Variants in NUTM1 observed in about 807,000 individuals in gnomAD.
The protein encoded by NUTM1 is NUT family member 1.
NUTM1 carries 39 observed loss-of-function variants against 88.7 expected under a neutral mutation model. That is an observed-to-expected ratio of 0.44 (90% confidence interval 0.34 to 0.57). NUTM1 has a LOEUF of 0.57. NUTM1 is among the 20% of genes least tolerant of loss of function. The pLI, the probability that NUTM1 is intolerant of heterozygous loss-of-function variation, is 0.01. For synonymous variants in NUTM1, 494 were observed against 538.0 expected, an observed-to-expected ratio of 0.92 and a Z score of 1.13; for missense variants, 1,350 against 1,414.5, an observed-to-expected ratio of 0.95 and a Z score of 0.73.
rs149213227 is a variant in NUTM1 at position 34,348,518 on chromosome 15, G to C, written c.650G>C (p.Gly217Ala). 1 of 1,614,068 alleles carries C rather than the reference G, an allele frequency of 6.2e-7. No individual in the cohort carries two copies. The highest frequency in any genetic ancestry group is 1.3e-5 in the African/African-American group (1 of 74,948). ...GGGCCACATGGGACAACCGGGGAAG[G>C]AGGTCCTGTGGCCACTCTATCCAAG... ...WPGPHGTTGE[G>A]GPVATLSKPS... Residue 217 changes from glycine (G) to alanine (A), a missense_variant, in exon 3 of 8, where the codon GGA becomes GCA. Around this residue, in one of 5 missense-constraint regions of NUTM1, gnomAD observed 399 missense variants for 397.9 expected, o/e 1.00. Coordinates refer to ENST00000537011, the MANE Select transcript of NUTM1 (RefSeq NM_001284292.2).
At position 34,348,221 on chromosome 15, in the gene NUTM1, T is replaced by C; in HGVS notation, c.353T>C (p.Val118Ala). ...GGGGCTGGGGCTGGCAAGGTCATTG[T>C]CAAAGTCAAGACAGAAGGGGGGTCA... ...LSGAGAGKVI[V>A]KVKTEGGSAE... The change falls in exon 3 of 8, where the codon GTC becomes GCC. Residue 118 changes from valine to alanine, a missense_variant. Val to Ala is a moderately conservative substitution (Grantham distance 64). Coordinates refer to ENST00000537011, the MANE Select transcript of NUTM1 (RefSeq NM_001284292.2). 6.2e-7 allele frequency: 1 copy of C among 1,614,212 alleles called. No homozygotes were observed. The highest frequency in any genetic ancestry group is 8.5e-7 in the Non-Finnish European group (1 of 1,180,034).
In NUTM1 at chr15:34,354,643, C is replaced by G. The variant is rs1204612087; in HGVS notation, c.1273C>G (p.Gln425Glu). The change falls in exon 6 of 8, where the codon CAG becomes GAG. Residue 425 changes from glutamine (Q) to glutamate (E), a missense_variant. Around this residue, in one of 5 missense-constraint regions of NUTM1, gnomAD observed 126 missense variants for 189.8 expected, o/e 0.66. Coordinates refer to ENST00000537011, the MANE Select transcript of NUTM1 (RefSeq NM_001284292.2). ...ESDGKQEEEG[Q>E]QQEEEGMYPD... ...AGATGGAAAACAAGAGGAAGAAGGG[C>G]AGCAGCAGGAGGAGGAAGGGATGTA... 1.2e-6 allele frequency: 2 copies of G among 1,613,944 alleles called. No homozygotes were observed. The highest frequency in any genetic ancestry group is 2.7e-5 in the African/African-American group (2 of 74,908).
In NUTM1 at chr15:34,355,601, T is replaced by C. The variant is rs750818723; in HGVS notation, c.1593T>C (p.Asp531=). Residue 531 remains aspartate (D), a synonymous_variant, in exon 8 of 8, where the codon GAT becomes GAC. Transcript: ENST00000537011. This position sits in a 1 kb window ranked among gnomAD's most constrained non-coding sequence, Gnocchi z 4.3. ...SSPSGSVEDE[D]GDGRLRPSPG... is the part of the protein sequence containing the mutation. ...CTTCTGGTTCTGTTGAGGATGAAGA[T>C]GGGGATGGGCGGCTTCGGCCCTCAC... The C allele has an allele frequency of 1.7e-5, 28 of 1,613,860 alleles. No individual in the cohort carries two copies. Among genetic ancestry groups the C allele is most frequent in the Non-Finnish European group, 2.3e-5 (27 of 1,179,956 alleles).
chr15:34,345,069 G>A (rs1472174944), intron 1 of NUTM1, among the ~76,000 whole-genome samples: 2 of 152,088 alleles, frequency 1.3e-5, no homozygotes, highest in Non-Finnish European at 2.9e-5. Context: ...GGAAAATGAT[G>A]ATTTTAGCCT....
At chr15:34,345,774 T>G (rs1890573956) in intron 1 of NUTM1, 168 bp from the exon 2 acceptor site, 1 of 925,172 alleles carries the variant, frequency 1.1e-6, no homozygotes, top group Non-Finnish European at 1.5e-6. Context: ...GAATTCCTGG[T>G]TTTTTCATAC....
chr15:34,356,063 A>C lies in NUTM1; in HGVS notation c.2055A>C (p.Gly685=). The C allele has an allele frequency of 6.2e-7, 1 of 1,614,068 alleles. No homozygotes were observed. Among genetic ancestry groups the C allele is most frequent in the South Asian group, 1.1e-5 (1 of 91,082 alleles). ...AAGGGTTAGAAAAGCAAGTCCTGGG[A>C]TTGCAGAAAGGACAACAAACAGGGG... is the stretch of plus-strand genomic sequence containing the variant. ...QGQGLEKQVL[G]LQKGQQTGGR... is the part of the protein sequence containing the mutation. The change falls in exon 8 of 8, where the codon GGA becomes GGC. Residue 685 remains glycine (G), a synonymous_variant. Transcript: ENST00000537011.
intron 3 of NUTM1, among the ~76,000 whole-genome samples, chr15:34,350,236 G>T (rs1474264613): frequency 6.6e-6 from 1 of 152,134 alleles, no homozygotes; most frequent in Non-Finnish European, 1.5e-5. Flanking sequence ...TGGAAACAAA[G>T]ACTGAAAAAC....
At position 34,355,204 on chromosome 15, in the gene NUTM1, C is replaced by T. The variant is rs1000789598; in HGVS notation, c.1479+67C>T. The T allele has an allele frequency of 5.9e-5, 63 of 1,074,108 alleles. No individual in the cohort carries two copies. Among genetic ancestry groups the T allele is most frequent in the South Asian group, 3.8e-5 (3 of 77,936 alleles). The allele number at this position is 1,074,108 out of a possible 1,614,324, so 66.5% of individuals were successfully genotyped here. A position where few individuals can be genotyped will look rare whatever the true frequency, so the allele number is the denominator to read the frequency against. On this transcript the variant is annotated intron_variant, in intron 7 of 7. Transcript: ENST00000537011. The surrounding 1 kb of genome is among the most constrained non-coding windows in gnomAD (Gnocchi z 4.3). ...AAGATTTTATCTAACCCTACACTGT[C>T]GTGGGTGATATGGCTCTAGAGATGA...
chr15:34,357,493 G>T lies in NUTM1; in HGVS notation c.*2G>T. On this transcript the variant is annotated 3_prime_UTR_variant, in exon 8 of 8. Coordinates refer to ENST00000537011, the MANE Select transcript of NUTM1 (RefSeq NM_001284292.2). ...AAGAAACGACGTCGTAGCCAGTAGGGAGCAGCGGGACCATCTGACCCCACT... is the reference window on the plus strand; with the variant it reads ...AAGAAACGACGTCGTAGCCAGTAGGTAGCAGCGGGACCATCTGACCCCACT... 1 of 1,612,648 alleles carries T rather than the reference G, an allele frequency of 6.2e-7. No homozygotes were observed. The highest frequency in any genetic ancestry group is 1.1e-5 in the South Asian group (1 of 90,878).
chr15:34,355,271 G>T lies in NUTM1; in HGVS notation c.1479+134G>T. Reference sequence around the variant, plus strand: ...GCTTCAGGTGCAGAACGAGTAGGTAGAGGGCTATGGAAACACAGGAAATGA... The same window carrying T: ...GCTTCAGGTGCAGAACGAGTAGGTATAGGGCTATGGAAACACAGGAAATGA... On this transcript the variant is annotated intron_variant, in intron 7 of 7. Transcript: ENST00000537011. This position sits in a 1 kb window ranked among gnomAD's most constrained non-coding sequence, Gnocchi z 4.3. 1 of 747,306 alleles carries T rather than the reference G, an allele frequency of 1.3e-6. No homozygotes were observed. The allele number at this position is 747,306 out of a possible 1,614,324, so 46.3% of individuals were successfully genotyped here.
chr15:34,343,318 C>A lies in NUTM1; in HGVS notation c.-379C>A. 1.6e-6 allele frequency: 1 copy of A among 641,566 alleles called. No individual in the cohort carries two copies. Among genetic ancestry groups the A allele is most frequent in the Non-Finnish European group, 2.8e-6 (1 of 357,016 alleles). 39.7% of individuals were successfully genotyped at this position (641,566 alleles called of 1,614,324 possible). On this transcript the variant is annotated 5_prime_UTR_variant, in exon 1 of 8. The change creates a new upstream start codon in the 5' untranslated region. Transcript: ENST00000537011. ...GGCTAAAACACGTGGAGTGTCCCTA[C>A]TGTGTGCTAGGTACACGGCGTTAGA...
Position 34,355,524 on chromosome 15 carries a change from G to C in NUTM1, c.1516G>C (p.Glu506Gln). Residue 506 changes from glutamate to glutamine, a missense_variant, in exon 8 of 8, where the codon GAA becomes CAA. Physicochemically the swap from Glu to Gln is conservative, Grantham distance 29 (BLOSUM62 2). Transcript: ENST00000537011. The surrounding 1 kb of genome is among the most constrained non-coding windows in gnomAD (Gnocchi z 4.3). Reference protein sequence around the residue: ...QKRLMALEEEEDAEAPPSFSG... With the variant: ...QKRLMALEEEQDAEAPPSFSG... ...GCGACTCATGGCCTTGGAAGAGGAG[G>C]AAGATGCAGAGGCGCCTCCAAGTTT... The C allele has an allele frequency of 6.2e-7, 1 of 1,614,134 alleles. No individual in the cohort carries two copies. The highest frequency in any genetic ancestry group is 8.5e-7 in the Non-Finnish European group (1 of 1,179,976).
chr15:34,356,798 C>T lies in NUTM1; in HGVS notation c.2790C>T (p.Asn930=), dbSNP rs370056136. Residue 930 remains asparagine (N), a synonymous_variant, in exon 8 of 8, where the codon AAC becomes AAT. Transcript: ENST00000537011. ...TGTTGGAAACCATAGAACCTGTCAA[C>T]ATACTAGATGTTAAAGATGACTGTG... The part of the protein sequence containing the change: ...SPLLETIEPV[N]ILDVKDDCGL... 3.7e-6 allele frequency: 6 copies of T among 1,611,914 alleles called. No homozygotes were observed. The highest frequency in any genetic ancestry group is 5.1e-6 in the Non-Finnish European group (6 of 1,179,618).
Position 34,353,813 on chromosome 15 carries a change from C to A in NUTM1, c.1016C>A (p.Ala339Glu). The change falls in exon 5 of 8, where the codon GCA becomes GAA. Residue 339 changes from alanine (A) to glutamate (E), a missense_variant. Physicochemically the swap from Ala to Glu is moderately radical, Grantham distance 107. This residue lies in a region of NUTM1 where 89 missense variants were observed against 76.0 expected (regional missense o/e 1.17). Transcript: ENST00000537011. ...AATGGGTCTCAGGGCCTGTCTCCTG[C>A]AACCCCTTTGAAACTTGATCCTCTA... is the stretch of plus-strand genomic sequence containing the variant. ...LMNGSQGLSPATPLKLDPLGP... is the reference protein window; with the variant it reads ...LMNGSQGLSPETPLKLDPLGP... 6.2e-7 allele frequency: 1 copy of A among 1,614,128 alleles called. No homozygotes were observed. The highest frequency in any genetic ancestry group is 8.5e-7 in the Non-Finnish European group (1 of 1,179,998).
At chr15:34,349,390 C>T (rs535535827) in intron 3 of NUTM1, among the ~76,000 whole-genome samples, 1 of 152,262 alleles carries the variant, frequency 6.6e-6, no homozygotes, top group Non-Finnish European at 1.5e-5. Flanking sequence ...AAGTCCTTGG[C>T]GCAGAGAATG....
Position 34,355,092 on chromosome 15 carries a change from CTTAA to C in NUTM1, c.1437_1440del (p.Ile480ArgfsTer3). On this transcript the variant is annotated frameshift_variant, in exon 7 of 8. Coordinates refer to ENST00000537011, the MANE Select transcript of NUTM1 (RefSeq NM_001284292.2). LOFTEE classifies it high-confidence loss of function. The surrounding 1 kb of genome is among the most constrained non-coding windows in gnomAD (Gnocchi z 4.3). Reference sequence around the variant, plus strand: ...CAGAAAAACAGAGAGATCCCTTGGCCTTAATTGAGGAGCTAGAGCAAGAAGAAGG... The same window carrying C: ...CAGAAAAACAGAGAGATCCCTTGGCCTTGAGGAGCTAGAGCAAGAAGAAGG... The C allele has an allele frequency of 6.2e-7, 1 of 1,613,898 alleles. No individual in the cohort carries two copies. The highest frequency in any genetic ancestry group is 8.5e-7 in the Non-Finnish European group (1 of 1,179,824).
Position 34,347,117 on chromosome 15 carries a change from G to A in NUTM1, c.101-852G>A, listed in dbSNP as rs528152323. Among the ~76,000 whole-genome samples the A allele has an allele frequency of 5.9e-5, 9 of 151,864 alleles. No homozygotes were observed. In the South Asian group the frequency reaches 1.2e-3, roughly 21 times the overall value. ...TTGAGAATCAGTGCTTTGAGTCTTC[G>A]GGTCTAAAGAAGAACTCAGATGGGG... On this transcript the variant is annotated intron_variant, in intron 2 of 7. Coordinates refer to ENST00000537011, the MANE Select transcript of NUTM1 (RefSeq NM_001284292.2).
Position 34,354,662 on chromosome 15 carries a change from G to A in NUTM1, c.1292G>A (p.Gly431Glu), listed in dbSNP as rs752240446. The A allele has an allele frequency of 4.3e-6, 7 of 1,614,004 alleles. No individual in the cohort carries two copies. Among genetic ancestry groups the A allele is most frequent in the Admixed American group, 3.3e-5 (2 of 59,988 alleles). ...GAAGGGCAGCAGCAGGAGGAGGAAG[G>A]GATGTATCCAGATCCAGGTCTCCTG... ...EEEGQQQEEE[G>E]MYPDPGLLSY... The change falls in exon 6 of 8, where the codon GGG becomes GAG. Residue 431 changes from glycine to glutamate, a missense_variant. By Grantham distance (98) the Gly-to-Glu change is moderately conservative (BLOSUM62 -2). Transcript: ENST00000537011.
Position 34,343,571 on chromosome 15 carries a change from G to A in NUTM1, c.-126G>A, listed in dbSNP as rs1890525676. The stretch of plus-strand genomic sequence containing the variant: ...AAAGCGTTGGCGGTAAAGAATGCAT[G>A]TTGAGTATCAATATTCCGTAAAGCG... On this transcript the variant is annotated 5_prime_UTR_variant, in exon 1 of 8. The change abolishes an upstream ATG in the 5' untranslated region. Coordinates refer to ENST00000537011, the MANE Select transcript of NUTM1 (RefSeq NM_001284292.2). 2 of 1,532,686 alleles carry A rather than the reference G, an allele frequency of 1.3e-6. No homozygotes were observed. Among genetic ancestry groups the A allele is most frequent in the African/African-American group, 2.7e-5 (2 of 72,942 alleles). The allele number at this position is 1,532,686 out of a possible 1,614,324, so 94.9% of individuals were successfully genotyped here. A position where few individuals can be genotyped will look rare whatever the true frequency, so the allele number is the denominator to read the frequency against.
Sources: allele counts gnomAD v4.1 joint callset (sites outside exome capture counted in the v4.1 genomes callset), GRCh38; gene constraint gnomAD v4.1.1; regional missense constraint gnomAD v4.1.1; non-coding constraint Gnocchi (gnomAD v3.1); transcripts MANE v1.5; gene names NCBI Gene and HGNC (gene_info 2026-07-23, HGNC 2026-07-21).